NCAM1: variants seen among roughly 807,000 people sequenced by gnomAD.
NCAM1 encodes antigen recognized by monoclonal antibody 5.1H11.
NCAM1 carries 14 observed loss-of-function variants against 109.8 expected under a neutral mutation model. That is an observed-to-expected ratio of 0.13 (90% CI 0.08 to 0.20). The LOEUF is 0.20. NCAM1 is among the 10% of genes least tolerant of loss of function. The pLI is 1.00. For synonymous variants in NCAM1, 418 were observed against 442.9 expected (o/e 0.94, Z 0.70); for missense variants, 774 against 1,109.9 (o/e 0.70, Z 4.30).
intron 1 of NCAM1, among the ~76,000 whole-genome samples, chr11:112,975,510 G>A (rs1800908497): frequency 6.6e-6 from 1 of 152,000 alleles, no homozygotes; most frequent in Non-Finnish European, 1.5e-5. Context: ...TGAAATGTCA[G>A]AAAATGATAA....
intron 1 of NCAM1, among the ~76,000 whole-genome samples, chr11:113,163,710 G>C (rs537713708): frequency 6.6e-6 from 1 of 152,210 alleles, no homozygotes; most frequent in Non-Finnish European, 1.5e-5. Flanking sequence ...CATCTAGAAT[G>C]GAGTTAAAGA....
intron 1 of NCAM1, among the ~76,000 whole-genome samples, chr11:113,074,396 T>G (rs1938434649): frequency 6.6e-6 from 1 of 152,162 alleles, no homozygotes; most frequent in Admixed American, 6.5e-5. Context: ...GTGGTGTGTT[T>G]TGGGCTTACT....
chr11:113,066,154 T>C lies in NCAM1; in HGVS notation c.52+104490T>C, dbSNP rs537505680. Among the ~76,000 whole-genome samples, 7 of 152,196 alleles carry C rather than the reference T, an allele frequency of 4.6e-5. No individual in the cohort carries two copies. In the South Asian group the frequency reaches 1.5e-3, roughly 32 times the overall value. On this transcript the variant is annotated intron_variant, in intron 1 of 19. Transcript: ENST00000316851. The stretch of plus-strand genomic sequence containing the variant: ...GAGATTGAGAGATAAGTAATTTTTG[T>C]AAAAGGAAGTCGTATAAAGATCCCT...
In NCAM1 at chr11:113,264,393, A is replaced by G. The variant is rs1158299447; in HGVS notation, c.2131+4070A>G. 8 of 985,282 alleles carry G rather than the reference A, an allele frequency of 8.1e-6. No individual in the cohort carries two copies. In the African/African-American group the frequency reaches 1.4e-4, roughly 17 times the overall value. The allele number at this position is 985,282 out of a possible 1,614,324, so 61.0% of individuals were successfully genotyped here. On this transcript the variant is annotated intron_variant, in intron 17 of 19. Transcript: ENST00000316851. The stretch of plus-strand genomic sequence containing the variant: ...TCAGTTTAGAGGCTCACGTGCAGAC[A>G]TCAGAGGCTCCATGCTGCACAGTAG...
intron 1 of NCAM1, among the ~76,000 whole-genome samples, chr11:113,155,441 G>A (rs1300075827): frequency 2.6e-5 from 4 of 151,854 alleles, no homozygotes; most frequent in Admixed American, 6.6e-5. Flanking sequence ...CCCAGGAGGC[G>A]GAGGTTGCAG....
At chr11:113,138,022 A>G (rs942066304) in intron 1 of NCAM1, among the ~76,000 whole-genome samples, 11 of 149,960 alleles carry the variant, frequency 7.3e-5, no homozygotes, top group South Asian at 2.1e-4. Flanking sequence ...TACCCTAGGG[A>G]AAAAAAAAAA....
At chr11:113,053,445 A>C (rs1469416566) in intron 1 of NCAM1, among the ~76,000 whole-genome samples, 3 of 152,194 alleles carry the variant, frequency 2.0e-5, no homozygotes, top group Non-Finnish European at 4.4e-5. Flanking sequence ...TGCTGGGCCA[A>C]GTGATATTTC....
chr11:113,054,727 A>G (rs917413857), intron 1 of NCAM1, among the ~76,000 whole-genome samples: 4 of 152,162 alleles, frequency 2.6e-5, no homozygotes, highest in African/African-American at 9.7e-5. Flanking sequence ...TTTTTGATGG[A>G]AAGTCAGAAG....
chr11:113,051,997 C>T (rs1428406444), intron 1 of NCAM1, among the ~76,000 whole-genome samples: 4 of 152,222 alleles, frequency 2.6e-5, no homozygotes, highest in Non-Finnish European at 5.9e-5. Context: ...ATGCAATGCT[C>T]CTGTGGCCGC....
At chr11:113,153,073 C>T (rs938164092) in intron 1 of NCAM1, among the ~76,000 whole-genome samples, 8 of 150,376 alleles carry the variant, frequency 5.3e-5, no homozygotes, top group East Asian at 1.9e-4. Flanking sequence ...GACAGAATCT[C>T]GCTCTGTCAC....
chr11:113,214,657 A>G (rs1022767894), intron 8 of NCAM1, 146 bp downstream of exon 8: 9 of 832,698 alleles, frequency 1.1e-5, no homozygotes, highest in Middle Eastern at 3.2e-4. Flanking sequence ...TCCCTCCCCA[A>G]CCCTGCAGGA....
At chr11:113,179,935 T>C (rs1943281587) in intron 1 of NCAM1, among the ~76,000 whole-genome samples, 1 of 152,162 alleles carries the variant, frequency 6.6e-6, no homozygotes, top group African/African-American at 2.4e-5. Context: ...AGTCAAAGAA[T>C]ATTCACACTC....
chr11:113,236,369 G>C, intron 14 of NCAM1: 1 of 1,582,278 alleles, frequency 6.3e-7, no homozygotes, highest in Non-Finnish European at 8.7e-7. Flanking sequence ...ACATCTGCTA[G>C]TTCTAGTTCG....
chr11:113,088,194 A>G (rs1939174012), intron 1 of NCAM1, among the ~76,000 whole-genome samples: 1 of 152,242 alleles, frequency 6.6e-6, no homozygotes, highest in Non-Finnish European at 1.5e-5. Flanking sequence ...GAAATACCAC[A>G]AGCTTTAAAC....
intron 17 of NCAM1, chr11:113,263,569 T>TCAGTCCTC (rs1401012863): frequency 1.6e-5 from 16 of 985,552 alleles, no homozygotes; most frequent in Non-Finnish European, 1.9e-5. Context: ...GGATGTGCTT[T>TCAGTCCTC]CAGTCCTCGT....
intron 19 of NCAM1, among the ~76,000 whole-genome samples, chr11:113,272,598 C>T (rs1278568485): frequency 6.6e-6 from 1 of 152,154 alleles, no homozygotes; most frequent in African/African-American, 2.4e-5. Flanking sequence ...GAATGGAGAT[C>T]CAGGGCAGGG....
chr11:113,227,637 A>G (rs1374393969), intron 9 of NCAM1, among the ~76,000 whole-genome samples: 2 of 152,214 alleles, frequency 1.3e-5, no homozygotes, highest in Non-Finnish European at 2.9e-5. Flanking sequence ...AGAAAAAGAG[A>G]ATTTTAGACC....
At chr11:113,247,306 C>T (rs2137459933) in intron 15 of NCAM1, among the ~76,000 whole-genome samples, 1 of 152,290 alleles carries the variant, frequency 6.6e-6, no homozygotes, top group Non-Finnish European at 1.5e-5. Context: ...CAATCACAGC[C>T]TGAGACATTG....
chr11:113,148,698 C>T (rs1698530802), intron 1 of NCAM1, among the ~76,000 whole-genome samples: 1 of 152,186 alleles, frequency 6.6e-6, no homozygotes, highest in African/African-American at 2.4e-5. Flanking sequence ...TCAGGCATCA[C>T]CATAGGTACT....
Sources: gnomAD v4.1 joint callset for allele counts (sites outside exome capture counted in the v4.1 genomes callset) on GRCh38, gnomAD v4.1.1 for gene constraint, MANE v1.5 for transcripts, NCBI Gene and HGNC (gene_info 2026-07-23, HGNC 2026-07-21) for gene names.